Variants in NTSR1 observed in about 807,000 individuals in gnomAD.
NTSR1 encodes neurotensin receptor type 1.
Under a neutral mutation model 31.2 loss-of-function variants are expected in NTSR1, and 29 were observed. The ratio of observed to expected loss-of-function variants is 0.93; its 90% CI spans 0.69 to 1.27. The LOEUF is 1.27. Ranked by LOEUF, NTSR1 falls within the 50% of genes most tolerant of loss-of-function variation. The probability of loss-of-function intolerance (pLI) is 0.00; values close to 1 mark genes in which losing one functional copy is unlikely to be tolerated. For synonymous variants in NTSR1, 282 were observed against 269.9 expected, an observed-to-expected ratio of 1.04 and a Z score of -0.44; for missense variants, 697 against 595.4, an observed-to-expected ratio of 1.17 and a Z score of -1.78.
chr20:62,731,662 A>G (rs1464576393), intron 1 of NTSR1, among the ~76,000 whole-genome samples: 2 of 152,084 alleles, frequency 1.3e-5, no homozygotes, highest in Admixed American at 1.3e-4. Flanking sequence ...TTTTTTCTAC[A>G]TGTGGATGTC....
At chr20:62,757,912 C>T (rs936050982) in intron 2 of NTSR1, among the ~76,000 whole-genome samples, 3 of 151,946 alleles carry the variant, frequency 2.0e-5, no homozygotes, top group African/African-American at 4.8e-5. Context: ...GCCCATGTCT[C>T]CCCCACTGAG....
chr20:62,758,402 T>A lies in NTSR1; in HGVS notation c.1007+46T>A. The A allele has an allele frequency of 6.5e-7, 1 of 1,538,530 alleles. No individual in the cohort carries two copies. Among genetic ancestry groups the A allele is most frequent in the Non-Finnish European group, 9.0e-7 (1 of 1,113,382 alleles). On this transcript the variant is annotated intron_variant, in intron 3 of 3. Transcript: ENST00000370501. The surrounding 1 kb of genome is among the most constrained non-coding windows in gnomAD (Gnocchi z 4.5). ...AGTTGGGTGCTGGACAAGTAAGTGCTCCCAAAACAGATGGTGGGTGTGGCA... is the reference window on the plus strand; with the variant it reads ...AGTTGGGTGCTGGACAAGTAAGTGCACCCAAAACAGATGGTGGGTGTGGCA...
At position 62,709,132 on chromosome 20, in the gene NTSR1, C is replaced by A. The variant is rs1988535944; in HGVS notation, c.-76C>A. 2 of 1,215,086 alleles carry A rather than the reference C, an allele frequency of 1.6e-6. No homozygotes were observed. Among genetic ancestry groups the A allele is most frequent in the Non-Finnish European group, 2.1e-6 (2 of 931,040 alleles). 75.3% of individuals were successfully genotyped at this position (1,215,086 alleles called of 1,614,324 possible). ...CTGGGCTCCCGTTCATCGGTCCCCG[C>A]CTGAGACGCGCCCACTCCTGCCCGG... On this transcript the variant is annotated 5_prime_UTR_variant, in exon 1 of 4. Transcript: ENST00000370501.
rs1024685398 is a variant in NTSR1 at position 62,762,553 on chromosome 20, C to T, written c.*2286C>T. The T allele has an allele frequency of 3.9e-5, 6 of 152,142 alleles. No homozygotes were observed. The highest frequency in any genetic ancestry group is 1.3e-4 in the Admixed American group (2 of 15,276). The allele number at this position is 152,142 out of a possible 1,614,324, so 9.4% of individuals were successfully genotyped here. A position where few individuals can be genotyped will look rare whatever the true frequency, so the allele number is the denominator to read the frequency against. Reference sequence around the variant, plus strand: ...CAGACACACCCACGACACCTGATCTCGTATCACTAGCTTGCGGCCAGGTCA... The same window carrying T: ...CAGACACACCCACGACACCTGATCTTGTATCACTAGCTTGCGGCCAGGTCA... On this transcript the variant is annotated 3_prime_UTR_variant, in exon 4 of 4. Transcript: ENST00000370501.
chr20:62,719,006 T>C (rs1422042531), intron 1 of NTSR1, among the ~76,000 whole-genome samples: 1 of 152,116 alleles, frequency 6.6e-6, no homozygotes, highest in Non-Finnish European at 1.5e-5. Flanking sequence ...TCACTCTGCA[T>C]CCTGGCCAGC....
At position 62,758,441 on chromosome 20, in the gene NTSR1, G is replaced by T; in HGVS notation, c.1007+85G>T. On this transcript the variant is annotated intron_variant, in intron 3 of 3. Coordinates refer to ENST00000370501, the MANE Select transcript of NTSR1 (RefSeq NM_002531.3). This position sits in a 1 kb window ranked among gnomAD's most constrained non-coding sequence, Gnocchi z 4.5. The stretch of plus-strand genomic sequence containing the variant: ...GTGGGTGTGGCAGGCACTGCTGAGG[G>T]GATCCACTCAGGGCAGGGGTGTGGT... 1.6e-6 allele frequency: 2 copies of T among 1,266,058 alleles called. No individual in the cohort carries two copies. The highest frequency in any genetic ancestry group is 2.3e-6 in the Non-Finnish European group (2 of 880,216). The allele number at this position is 1,266,058 out of a possible 1,614,324, so 78.4% of individuals were successfully genotyped here.
At chr20:62,737,796 C>T (rs896631210) in intron 1 of NTSR1, among the ~76,000 whole-genome samples, 3 of 151,994 alleles carry the variant, frequency 2.0e-5, no homozygotes, top group African/African-American at 7.3e-5. Flanking sequence ...CCTCCTGCTG[C>T]TGCTTCCCAC....
chr20:62,746,069 G>C (rs547459037), intron 1 of NTSR1, among the ~76,000 whole-genome samples: 1 of 152,200 alleles, frequency 6.6e-6, no homozygotes, highest in African/African-American at 2.4e-5. Context: ...CGCTCAGCCT[G>C]GGCAGGGACG....
Position 62,709,286 on chromosome 20 carries a change from G to T in NTSR1, c.79G>T (p.Glu27Ter). The change falls in exon 1 of 4, where the codon GAG becomes TAG. Residue 27 changes from glutamate (E) to a stop codon, truncating the protein, a stop_gained. Coordinates refer to ENST00000370501, the MANE Select transcript of NTSR1 (RefSeq NM_002531.3). LOFTEE classifies it high-confidence loss of function. ...CTTCCAGCGGGCGCAGGCCGGACTGGAGGAGGCGCTGCTGGCCCCGGGCTT... is the reference window on the plus strand; with the variant it reads ...CTTCCAGCGGGCGCAGGCCGGACTGTAGGAGGCGCTGCTGGCCCCGGGCTT... ...DPFQRAQAGL[E>*]EALLAPGFGN... 2 of 1,587,306 alleles carry T rather than the reference G, an allele frequency of 1.3e-6. No individual in the cohort carries two copies. Among genetic ancestry groups the T allele is most frequent in the East Asian group, 2.3e-5 (1 of 43,382 alleles).
rs1021451299 is a variant in NTSR1, at chr20:62,745,236, G to A, written c.715-9449G>A. 1.3e-5 allele frequency among the ~76,000 whole-genome samples: 2 copies of A among 152,118 alleles called. No homozygotes were observed. Among genetic ancestry groups the A allele is most frequent in the African/African-American group, 4.8e-5 (2 of 41,408 alleles). On this transcript the variant is annotated intron_variant, in intron 1 of 3. Transcript: ENST00000370501. This position sits in a 1 kb window ranked among gnomAD's most constrained non-coding sequence, Gnocchi z 4.1. The stretch of plus-strand genomic sequence containing the variant: ...ACACAAAGACAGAGAGAGAGACACA[G>A]AGAGGAAAGCAGAGACACAGAGAGA...
chr20:62,709,312 C>T lies in NTSR1; in HGVS notation c.105C>T (p.Phe35=). 1 of 1,605,070 alleles carries T rather than the reference C, an allele frequency of 6.2e-7. No homozygotes were observed. The highest frequency in any genetic ancestry group is 8.5e-7 in the Non-Finnish European group (1 of 1,177,460). Residue 35 remains phenylalanine (F), a synonymous_variant, in exon 1 of 4, where the codon TTC becomes TTT. Transcript: ENST00000370501. ...GLEEALLAPG[F]GNASGNASER... is the part of the protein sequence containing the mutation. ...AGGAGGCGCTGCTGGCCCCGGGCTT[C>T]GGCAACGCTTCGGGCAACGCGTCGG...
At position 62,709,905 on chromosome 20, in the gene NTSR1, T is replaced by A; in HGVS notation, c.698T>A (p.Val233Asp). 6.3e-7 allele frequency: 1 copy of A among 1,594,286 alleles called. No individual in the cohort carries two copies. Among genetic ancestry groups the A allele is most frequent in the Non-Finnish European group, 8.6e-7 (1 of 1,167,388 alleles). ...VCTPTIHTATVKVVIQVNTFM... is the reference protein window; with the variant it reads ...VCTPTIHTATDKVVIQVNTFM... ...ACCCCCACCATCCACACTGCCACCG[T>A]CAAGGTCGTCATACAGGTGAGCCTC... The change falls in exon 1 of 4, where the codon GTC (valine) becomes GAC (aspartate). Residue 233 changes from valine (V) to aspartate (D), a missense_variant. Transcript: ENST00000370501.
rs1405495790 is a variant in NTSR1 at position 62,761,725 on chromosome 20, T to TA, written c.*1458_*1459insA. The stretch of plus-strand genomic sequence containing the variant: ...GGTCTTGGGCTGTGTTCAGCCACTT[T>TA]GCCTTCTCTGGACTCAGTTTCCCCG... On this transcript the variant is annotated 3_prime_UTR_variant, in exon 4 of 4. Transcript: ENST00000370501. The TA allele has an allele frequency of 2.6e-5, 4 of 152,376 alleles. No individual in the cohort carries two copies. The East Asian group carries it at 7.7e-4, about 29-fold the overall frequency. The allele number at this position is 152,376 out of a possible 1,614,324, so 9.4% of individuals were successfully genotyped here. A position where few individuals can be genotyped will look rare whatever the true frequency, so the allele number is the denominator to read the frequency against.
At position 62,709,004 on chromosome 20, in the gene NTSR1, G is replaced by T. The variant is rs1988530249; in HGVS notation, c.-204G>T. On this transcript the variant is annotated 5_prime_UTR_variant, in exon 1 of 4. Transcript: ENST00000370501. ...GCTAGGAGCCGGAAGCTGGGAGTCC[G>T]GAGGAGAGCGGAGCCCGGAGCCCGG... is the stretch of plus-strand genomic sequence containing the variant. 4.4e-6 allele frequency: 2 copies of T among 454,900 alleles called. No individual in the cohort carries two copies. Among genetic ancestry groups the T allele is most frequent in the Non-Finnish European group, 7.6e-6 (2 of 263,172 alleles). 28.2% of individuals were successfully genotyped at this position (454,900 alleles called of 1,614,324 possible). A position where few individuals can be genotyped will look rare whatever the true frequency, so the allele number is the denominator to read the frequency against.
At chr20:62,749,740 T>G (rs1029741557) in intron 1 of NTSR1, among the ~76,000 whole-genome samples, 3 of 152,122 alleles carry the variant, frequency 2.0e-5, no homozygotes, top group African/African-American at 7.2e-5. Context: ...AAAACCACAG[T>G]GAGCTATCAC....
intron 2 of NTSR1, among the ~76,000 whole-genome samples, chr20:62,757,738 G>T (rs1243572959): frequency 6.6e-6 from 1 of 152,100 alleles, no homozygotes; most frequent in African/African-American, 2.4e-5. Flanking sequence ...CCATATCTCT[G>T]TGTCTCTAAG....
chr20:62,720,590 G>A (rs915687471), intron 1 of NTSR1, among the ~76,000 whole-genome samples: 12 of 151,934 alleles, frequency 7.9e-5, no homozygotes, highest in African/African-American at 2.9e-4. Flanking sequence ...TCAAGAATGA[G>A]CTTTTGATTT....
chr20:62,708,903 T>G lies in NTSR1; in HGVS notation c.-305T>G. ...CTCGGGGGCCTGGGGAACCGCGCGG[T>G]TTGGAGATCGGAGGCACCTGGAACC... On this transcript the variant is annotated 5_prime_UTR_variant, in exon 1 of 4. Coordinates refer to ENST00000370501, the MANE Select transcript of NTSR1 (RefSeq NM_002531.3). This position sits in a 1 kb window ranked among gnomAD's most constrained non-coding sequence, Gnocchi z 5.9. 15 of 313,658 alleles carry G rather than the reference T, an allele frequency of 4.8e-5. No individual in the cohort carries two copies. The highest frequency in any genetic ancestry group is 5.8e-5 in the Non-Finnish European group (10 of 172,798). The allele number at this position is 313,658 out of a possible 1,614,324, so 19.4% of individuals were successfully genotyped here.
intron 1 of NTSR1, among the ~76,000 whole-genome samples, chr20:62,738,643 G>A (rs568512966): frequency 3.0e-4 from 46 of 152,352 alleles, no homozygotes; most frequent in Admixed American, 8.5e-4. Flanking sequence ...GGCCTCAGCC[G>A]TGCCTGTGTT....
Sources: allele counts gnomAD v4.1 joint callset (sites outside exome capture counted in the v4.1 genomes callset), GRCh38; gene constraint gnomAD v4.1.1; non-coding constraint Gnocchi (gnomAD v3.1); transcripts MANE v1.5; gene names NCBI Gene and HGNC (gene_info 2026-07-23, HGNC 2026-07-21).